The following TMC1 variants were observed in gnomAD, a reference collection of about 807,000 sequenced individuals.
TMC1 encodes the protein transmembrane channel-like protein 1.
TMC1 carries 84 observed loss-of-function variants against 105.8 expected under a neutral mutation model. The ratio of observed to expected loss-of-function variants is 0.79; its 90% CI spans 0.67 to 0.95. The LOEUF (loss-of-function observed/expected upper bound fraction) is 0.95. TMC1 is among the 40% of genes least tolerant of loss of function. The pLI is 0.00. For missense variants in TMC1, 817 were observed against 914.1 expected (o/e 0.89, Z 1.37); for synonymous variants, 315 against 311.5 (o/e 1.01, Z -0.12).
chr9:72,626,557 G>C (rs1157691917), intron 3 of TMC1, among the ~76,000 whole-genome samples: 1 of 152,160 alleles, frequency 6.6e-6, no homozygotes, highest in African/African-American at 2.4e-5. Context: ...CAGAGAAGGA[G>C]TGAATAAGGT....
chr9:72,765,533 A>C (rs1827815910), intron 12 of TMC1, among the ~76,000 whole-genome samples: 1 of 151,640 alleles, frequency 6.6e-6, no homozygotes, highest in Non-Finnish European at 1.5e-5. Flanking sequence ...GCATGCACAA[A>C]GGCATGGAGG....
rs1319613360 is a variant in TMC1 at position 72,792,041 on chromosome 9, A to T, written c.1380A>T (p.Ala460=). The T allele has an allele frequency of 3.1e-6, 5 of 1,614,162 alleles. No homozygotes were observed. The East Asian group carries it at 1.1e-4, about 36-fold the overall frequency. Residue 460 remains alanine, a synonymous_variant, in exon 16 of 24, where the codon GCA becomes GCT. Transcript: ENST00000297784. ...GCAATTTATACGTATTTATTCTTGC[A>T]TTAATGGATGAGATTAACAACAAGG... ...LLGNLYVFIL[A]LMDEINNKIE...
chr9:72,808,928 A>T (rs956560383), intron 18 of TMC1: 2 of 152,328 alleles, frequency 1.3e-5, no homozygotes, highest in Non-Finnish European at 1.5e-5. Context: ...GGTCGTCTCC[A>T]TCACCCTCAT....
chr9:72,806,812 C>T (rs1357548550), intron 18 of TMC1, among the ~76,000 whole-genome samples: 3 of 151,116 alleles, frequency 2.0e-5, no homozygotes, highest in African/African-American at 7.3e-5. Flanking sequence ...TCCTCACATC[C>T]CAGACGATGG....
intron 3 of TMC1, among the ~76,000 whole-genome samples, chr9:72,627,503 G>A (rs976758867): frequency 4.6e-5 from 7 of 152,164 alleles, no homozygotes; most frequent in Admixed American, 4.6e-4. Context: ...TTCTTTCAGG[G>A]CAAGTCTCAC....
chr9:72,770,744 T>A (rs868637571), intron 12 of TMC1, among the ~76,000 whole-genome samples: 6 of 152,062 alleles, frequency 3.9e-5, no homozygotes, highest in African/African-American at 1.4e-4. Flanking sequence ...TGTAATTCAG[T>A]CTGAATCTGA....
intron 18 of TMC1, among the ~76,000 whole-genome samples, chr9:72,807,243 G>A (rs1340981255): frequency 2.0e-5 from 3 of 152,172 alleles, no homozygotes; most frequent in African/African-American, 7.2e-5. Flanking sequence ...GGAGACCGTG[G>A]AAAGAGAGGG....
rs1232712852 is a variant in TMC1, at chr9:72,628,848, T to A, written c.-53+785T>A. Among the ~76,000 whole-genome samples, 3 of 152,236 alleles carry A rather than the reference T, an allele frequency of 2.0e-5. No individual in the cohort carries two copies. The East Asian group carries it at 5.8e-4, about 29-fold the overall frequency. ...AATTATGATTAGATCTAATTCTTTTTCAAGATTTACTTAAAATAAATATTT... is the reference window on the plus strand; with the variant it reads ...AATTATGATTAGATCTAATTCTTTTACAAGATTTACTTAAAATAAATATTT... On this transcript the variant is annotated intron_variant, in intron 4 of 23. Transcript: ENST00000297784.
At chr9:72,580,471 TC>T (rs1824457204) in intron 2 of TMC1, among the ~76,000 whole-genome samples, 2 of 152,184 alleles carry the variant, frequency 1.3e-5, no homozygotes, top group African/African-American at 4.8e-5. Context: ...CTGTCTTGCC[TC>T]AGTCTCTTAA....
chr9:72,693,288 A>T (rs538604219), intron 6 of TMC1, among the ~76,000 whole-genome samples: 1 of 152,332 alleles, frequency 6.6e-6, no homozygotes, highest in South Asian at 2.1e-4. Context: ...CACGTATGTG[A>T]AAAGAACATA....
intron 12 of TMC1, among the ~76,000 whole-genome samples, chr9:72,756,291 C>G (rs1564534180): frequency 1.3e-5 from 2 of 152,072 alleles, no homozygotes; most frequent in Non-Finnish European, 2.9e-5. Context: ...AACCAGTATA[C>G]AAGATGCTGT....
intron 18 of TMC1, among the ~76,000 whole-genome samples, chr9:72,815,597 G>A (rs1415207283): frequency 1.3e-5 from 2 of 151,960 alleles, no homozygotes; most frequent in East Asian, 1.9e-4. Flanking sequence ...TATATTTTTT[G>A]TTTAACATTA....
At position 72,628,003 on chromosome 9, in the gene TMC1, G is replaced by T. The variant is rs986112923; in HGVS notation, c.-113G>T. 2.2e-6 allele frequency: 1 copy of T among 455,574 alleles called. No homozygotes were observed. The highest frequency in any genetic ancestry group is 4.4e-6 in the Non-Finnish European group (1 of 226,714). 28.2% of individuals were successfully genotyped at this position (455,574 alleles called of 1,614,324 possible). A position where few individuals can be genotyped will look rare whatever the true frequency, so the allele number is the denominator to read the frequency against. ...CTGGGGGCAGCAACTTTGAGCCTGT[G>T]GGGAAGGAACTGTCCACGTGGAGTG... is the stretch of plus-strand genomic sequence containing the variant. On this transcript the variant is annotated 5_prime_UTR_variant, in exon 4 of 24. Coordinates refer to ENST00000297784, the MANE Select transcript of TMC1 (RefSeq NM_138691.3).
intron 5 of TMC1, among the ~76,000 whole-genome samples, chr9:72,661,396 G>T (rs1051669503): frequency 3.9e-5 from 6 of 152,172 alleles, no homozygotes; most frequent in Admixed American, 2.0e-4. Context: ...CATCTAAACT[G>T]TTTGCCTGCA....
At chr9:72,603,380 C>T (rs1162845883) in intron 2 of TMC1, among the ~76,000 whole-genome samples, 1 of 120,770 alleles carries the variant, frequency 8.3e-6, no homozygotes. Flanking sequence ...CCTTCTCTCT[C>T]CCCACTACAC....
intron 1 of TMC1, among the ~76,000 whole-genome samples, chr9:72,559,882 G>A (rs759818258): frequency 6.6e-6 from 1 of 152,220 alleles, no homozygotes; most frequent in Non-Finnish European, 1.5e-5. Context: ...GATGGATTTA[G>A]CAAGTAGAAA....
rs2132064857 is a variant in TMC1 at position 72,541,989 on chromosome 9, A to G, written c.-428+20076A>G. On this transcript the variant is annotated intron_variant, in intron 1 of 23. Coordinates refer to ENST00000297784, the MANE Select transcript of TMC1 (RefSeq NM_138691.3). ...AAAAAAACACAAAAAACCAAAAATAAAAAATCTGGGTGAGGTATTTGCAAT... is the reference window on the plus strand; with the variant it reads ...AAAAAAACACAAAAAACCAAAAATAGAAAATCTGGGTGAGGTATTTGCAAT... Among the ~76,000 whole-genome samples, 2 of 152,164 alleles carry G rather than the reference A, an allele frequency of 1.3e-5. 1 individual carries two copies. Among genetic ancestry groups the G allele is most frequent in the Middle Eastern group, 6.8e-3 (2 of 294 alleles).
intron 1 of TMC1, among the ~76,000 whole-genome samples, chr9:72,574,335 G>T (rs1001617728): frequency 2.0e-5 from 3 of 152,158 alleles, no homozygotes; most frequent in African/African-American, 7.2e-5. Context: ...ATTTAATTGG[G>T]CGCCCAAGCT....
intron 1 of TMC1, among the ~76,000 whole-genome samples, chr9:72,571,442 CT>C (rs35382914): frequency 0.55 from 76,752 of 138,938 alleles, 21,781 homozygotes; most frequent in African/African-American, 0.78. Context: ...CAACCTCACG[CT>C]TTTTTTTTTT....
Sources: allele counts gnomAD v4.1 joint callset (sites outside exome capture counted in the v4.1 genomes callset), GRCh38; gene constraint gnomAD v4.1.1; transcripts MANE v1.5; gene names NCBI Gene and HGNC (gene_info 2026-07-23, HGNC 2026-07-21).